Variants in SETX observed in about 807,000 individuals in gnomAD.
SETX encodes senataxin, also known as helicase senataxin.
In SETX, 90 loss-of-function variants were observed where a neutral mutation model predicts 227.2. That is an observed-to-expected ratio of 0.40 (90% CI 0.33 to 0.47). The LOEUF (loss-of-function observed/expected upper bound fraction) is 0.47. SETX is among the 20% of genes least tolerant of loss of function. The pLI is 0.91. For missense variants in SETX, 3,052 were observed against 3,181.5 expected (o/e 0.96, Z 0.98); for synonymous variants, 1,210 against 1,113.2 (o/e 1.09, Z -1.73).
chr9:132,329,545 C>A lies in SETX; in HGVS notation c.2053G>T (p.Ala685Ser), dbSNP rs572473796. Residue 685 changes from alanine to serine, a missense_variant, in exon 10 of 26, where the codon GCT becomes TCT. Around this residue, in one of 10 missense-constraint regions of SETX, gnomAD observed 1,483 missense variants for 1,312.0 expected, o/e 1.13. Transcript: ENST00000224140. Reference sequence around the variant, plus strand: ...CTACTCTGCTTTAAGCATGACCCAGCTAAGAGATGGTCCTCTAGTTTCACA... The same window carrying A: ...CTACTCTGCTTTAAGCATGACCCAGATAAGAGATGGTCCTCTAGTTTCACA... Reference protein sequence around the residue: ...KDVKLEDHLLAGSCLKQSSKN... With the variant: ...KDVKLEDHLLSGSCLKQSSKN... The A allele has an allele frequency of 6.2e-7, 1 of 1,613,292 alleles. No individual in the cohort carries two copies. The highest frequency in any genetic ancestry group is 1.1e-5 in the South Asian group (1 of 91,078).
chr9:132,285,706 C>A (rs983775326), intron 18 of SETX, among the ~76,000 whole-genome samples: 3 of 150,112 alleles, frequency 2.0e-5, no homozygotes, highest in African/African-American at 7.5e-5. Flanking sequence ...ATGGTGAAAC[C>A]CCATCTCTAC....
chr9:132,329,038 C>T lies in SETX; in HGVS notation c.2560G>A (p.Gly854Arg), dbSNP rs745388760. ...ACATTGTTTTGAGATTTTTGTTCTC[C>T]ATTCTTATCATCCAGAACACCACTA... ...DPSGVLDDKN[G>R]EQKSQNNVLP... Residue 854 changes from glycine (G) to arginine (R), a missense_variant, in exon 10 of 26, where the codon GGA becomes AGA. Gly to Arg is a moderately radical substitution (Grantham distance 125, BLOSUM62 -2). Transcript: ENST00000224140. The T allele has an allele frequency of 5.0e-6, 8 of 1,607,860 alleles. No homozygotes were observed. In the South Asian group the frequency reaches 7.7e-5, roughly 16 times the overall value.
intron 24 of SETX, among the ~76,000 whole-genome samples, chr9:132,270,163 G>A (rs1842832495): frequency 7.2e-6 from 1 of 138,600 alleles, no homozygotes. Flanking sequence ...GCATCCTCAT[G>A]TGAGACACAG....
At chr9:132,346,852 G>A (rs1222571769) in intron 3 of SETX, among the ~76,000 whole-genome samples, 1 of 151,964 alleles carries the variant, frequency 6.6e-6, no homozygotes, top group African/African-American at 2.4e-5. Flanking sequence ...CTTCTCTGGA[G>A]GCTGAAGCAA....
intron 7 of SETX, among the ~76,000 whole-genome samples, chr9:132,333,949 C>G (rs2131487511): frequency 6.6e-6 from 1 of 152,014 alleles, no homozygotes; most frequent in Admixed American, 6.6e-5. Flanking sequence ...CTGGCAGTTA[C>G]TGTATTAGAG....
rs1847031285 is a variant in SETX at position 132,328,898 on chromosome 9, T to C, written c.2700A>G (p.Thr900=). The C allele has an allele frequency of 1.2e-6, 2 of 1,613,896 alleles. No homozygotes were observed. The highest frequency in any genetic ancestry group is 2.2e-5 in the South Asian group (2 of 91,060). ...HVDGKELIPF[T]EMTNASEKKS... Reference sequence around the variant, plus strand: ...TCTTCTCTGAAGCATTGGTCATTTCTGTAAAAGGGATCAATTCTTTACCAT... The same window carrying C: ...TCTTCTCTGAAGCATTGGTCATTTCCGTAAAAGGGATCAATTCTTTACCAT... The change falls in exon 10 of 26, where the codon ACA becomes ACG. Residue 900 remains threonine, a synonymous_variant. Coordinates refer to ENST00000224140, the MANE Select transcript of SETX (RefSeq NM_015046.7).
rs759387462 is a variant in SETX at position 132,327,443 on chromosome 9, G to A, written c.4155C>T (p.Asp1385=). ...ACCTATCAGATTCTGGTACAAATAT[G>A]TCAGAATTCTGTGCTGTATGTGACC... is the stretch of plus-strand genomic sequence containing the variant. ...RAGSHTAQNS[D]IFVPESDRSD... is the part of the protein sequence containing the mutation. Residue 1385 remains aspartate, a synonymous_variant, in exon 10 of 26, where the codon GAC becomes GAT. Transcript: ENST00000224140. 33 of 1,613,950 alleles carry A rather than the reference G, an allele frequency of 2.0e-5. No homozygotes were observed. The highest frequency in any genetic ancestry group is 4.4e-5 in the South Asian group (4 of 91,086).
chr9:132,325,138 C>T lies in SETX; in HGVS notation c.5274+1186G>A, dbSNP rs544820581. On this transcript the variant is annotated intron_variant, in intron 10 of 25. Coordinates refer to ENST00000224140, the MANE Select transcript of SETX (RefSeq NM_015046.7). The stretch of plus-strand genomic sequence containing the variant: ...TTGGGAGGCCAAGGCGGGCAGATCA[C>T]AAGGTCAGGAGATTGAGACCATCCT... Among the ~76,000 whole-genome samples the T allele has an allele frequency of 4.7e-3, 713 of 152,194 alleles. 3 individuals carry two copies. The highest frequency in any genetic ancestry group is 7.5e-3 in the Non-Finnish European group (510 of 68,016).
At chr9:132,286,813 C>CT (rs1843928959) in intron 17 of SETX, among the ~76,000 whole-genome samples, 2 of 152,216 alleles carry the variant, frequency 1.3e-5, no homozygotes. Context: ...CAGTGATGGG[C>CT]ATCTAACACA....
chr9:132,331,369 A>G lies in SETX; in HGVS notation c.918T>C (p.Gly306=), dbSNP rs1368938088. The G allele has an allele frequency of 5.0e-6, 8 of 1,613,892 alleles. No homozygotes were observed. The Admixed American group carries it at 1.3e-4, about 27-fold the overall frequency. ...ATGCCACAATAGGATCCATAAGTTG[A>G]CCCCAGACCTTAGATCCAAGGCGAT... is the stretch of plus-strand genomic sequence containing the variant. ...ILDRLGSKVW[G]QLMDPIVAFQ... is the part of the protein sequence containing the mutation. Residue 306 remains glycine (G), a synonymous_variant, in exon 8 of 26, where the codon GGT becomes GGC. Transcript: ENST00000224140.
chr9:132,355,223 G>A (rs1224960116), upstream of SETX, among the ~76,000 whole-genome samples: 5 of 152,094 alleles, frequency 3.3e-5, no homozygotes, highest in African/African-American at 7.2e-5. Flanking sequence ...GACGGGGAGA[G>A]TTTGCCGCGG....
Position 132,295,921 on chromosome 9 carries a change from T to C in SETX, c.6057A>G (p.Lys2019=), listed in dbSNP as rs776267691. 2 of 1,614,140 alleles carry C rather than the reference T, an allele frequency of 1.2e-6. No homozygotes were observed. The highest frequency in any genetic ancestry group is 3.3e-5 in the Admixed American group (2 of 60,034). The change falls in exon 15 of 26, where the codon AAA becomes AAG. Residue 2019 remains lysine, a synonymous_variant. Coordinates refer to ENST00000224140, the MANE Select transcript of SETX (RefSeq NM_015046.7). ...ATTTTTCTTTGAATTCAAGGATAATTTTTTTCATGAGTTCATCAACAGCTG... is the reference window on the plus strand; with the variant it reads ...ATTTTTCTTTGAATTCAAGGATAATCTTTTTCATGAGTTCATCAACAGCTG... ...SNAAVDELMK[K]IILEFKEKCK... is the part of the protein sequence containing the mutation.
chr9:132,295,274 T>C (rs1402399055), intron 15 of SETX, among the ~76,000 whole-genome samples: 1 of 152,188 alleles, frequency 6.6e-6, no homozygotes, highest in Non-Finnish European at 1.5e-5. Context: ...GATGGTAGGG[T>C]TAACACCAAG....
At chr9:132,335,480 ATTT>A (rs11323405) in intron 6 of SETX, among the ~76,000 whole-genome samples, 1 of 134,318 alleles carries the variant, frequency 7.4e-6, no homozygotes, top group Non-Finnish European at 1.5e-5. Context: ...GGAAAATTTA[ATTT>A]TTTTTTTTTT....
chr9:132,331,103 C>T lies in SETX; in HGVS notation c.1047G>A (p.Met349Ile). ...KLEPESYLDD[M>I]VTCSQIVYNY... Reference sequence around the variant, plus strand: ...TGTATACGATCTGGCTGCAAGTCACCATATCATCCAAATAGGACTCCGGTT... The same window carrying T: ...TGTATACGATCTGGCTGCAAGTCACTATATCATCCAAATAGGACTCCGGTT... The change falls in exon 9 of 26, where the codon ATG (methionine) becomes ATA (isoleucine). Residue 349 changes from methionine (M) to isoleucine (I), a missense_variant. Met to Ile is a conservative substitution (Grantham distance 10, BLOSUM62 1). This residue lies in a region of SETX where 239 missense variants were observed against 240.8 expected (regional missense o/e 0.99). Coordinates refer to ENST00000224140, the MANE Select transcript of SETX (RefSeq NM_015046.7). 6.2e-7 allele frequency: 1 copy of T among 1,613,536 alleles called. No homozygotes were observed. Among genetic ancestry groups the T allele is most frequent in the Non-Finnish European group, 8.5e-7 (1 of 1,179,518 alleles).
rs1368135416 is a variant in SETX, at chr9:132,264,843, G to A, written c.7430C>T (p.Pro2477Leu). ...TCTGGACCCCTCTGGGGCTATGGTAGGAGGGTGAGTGAGACTTCTCTGCAG... is the reference window on the plus strand; with the variant it reads ...TCTGGACCCCTCTGGGGCTATGGTAAGAGGGTGAGTGAGACTTCTCTGCAG... Reference protein sequence around the residue: ...PVLQRSLTHPPTIAPEGSRPQ... With the variant: ...PVLQRSLTHPLTIAPEGSRPQ... The change falls in exon 26 of 26, where the codon CCT becomes CTT. Residue 2477 changes from proline to leucine, a missense_variant. Physicochemically the swap from Pro to Leu is moderately conservative, Grantham distance 98. Transcript: ENST00000224140. 3 of 1,614,170 alleles carry A rather than the reference G, an allele frequency of 1.9e-6. No individual in the cohort carries two copies. Among genetic ancestry groups the A allele is most frequent in the Non-Finnish European group, 2.5e-6 (3 of 1,180,024 alleles).
rs200585636 is a variant in SETX at position 132,328,391 on chromosome 9, A to T, written c.3207T>A (p.Thr1069=). 86 of 1,614,052 alleles carry T rather than the reference A, an allele frequency of 5.3e-5. No individual in the cohort carries two copies. The highest frequency in any genetic ancestry group is 2.9e-4 in the East Asian group (13 of 44,870). ...AATCAGATTCCTCAAACTGAAAAAG[A>T]GTCTCTGTCTTTTCTTCCTTTACTG... is the stretch of plus-strand genomic sequence containing the variant. The part of the protein sequence containing the change: ...KNPVKEEKTE[T]LFQFEESDSQ... Residue 1069 remains threonine (T), a synonymous_variant, in exon 10 of 26, where the codon ACT becomes ACA. Coordinates refer to ENST00000224140, the MANE Select transcript of SETX (RefSeq NM_015046.7).
intron 10 of SETX, among the ~76,000 whole-genome samples, chr9:132,321,825 G>A (rs752880779): frequency 1.8e-4 from 28 of 152,090 alleles, no homozygotes; most frequent in Non-Finnish European, 3.1e-4. Flanking sequence ...TCCAGCCTGG[G>A]CAACAGAGTG....
intron 10 of SETX, among the ~76,000 whole-genome samples, 161 bp downstream of exon 10, chr9:132,326,163 G>A (rs1171422495): frequency 6.6e-6 from 1 of 151,824 alleles, no homozygotes; most frequent in African/African-American, 2.4e-5. Flanking sequence ...CGCCTCCTGG[G>A]TTTAAGCAAT....
Sources: allele counts gnomAD v4.1 joint callset (sites outside exome capture counted in the v4.1 genomes callset), GRCh38; gene constraint gnomAD v4.1.1; regional missense constraint gnomAD v4.1.1; transcripts MANE v1.5; gene names NCBI Gene and HGNC (gene_info 2026-07-23, HGNC 2026-07-21).